SHCBP1: variants seen among roughly 807,000 people sequenced by gnomAD.
The protein encoded by SHCBP1 is SHC binding and spindle associated 1, also known as SHC SH2 domain-binding protein 1.
A neutral mutation model predicts 75.1 loss-of-function variants in SHCBP1; 60 were observed. That is an observed-to-expected ratio of 0.80 (90% CI 0.65 to 0.99). SHCBP1 has a LOEUF of 0.99. SHCBP1 is among the 50% of genes least tolerant of loss of function. SHCBP1 has a pLI of 0.00. For synonymous variants in SHCBP1, 290 were observed against 293.2 expected, an observed-to-expected ratio of 0.99 and a Z score of 0.11; for missense variants, 709 against 809.4, an observed-to-expected ratio of 0.88 and a Z score of 1.50.
intron 5 of SHCBP1, among the ~76,000 whole-genome samples, chr16:46,604,930 A>T (rs534019152): frequency 0.039 from 5,998 of 152,298 alleles, 175 homozygotes; most frequent in Non-Finnish European, 0.056. Context: ...GACTTTAAAA[A>T]TTTTTTTAAG....
intron 4 of SHCBP1, among the ~76,000 whole-genome samples, chr16:46,614,155 T>C (rs1965460321): frequency 6.6e-6 from 1 of 152,184 alleles, no homozygotes; most frequent in Non-Finnish European, 1.5e-5. Flanking sequence ...TTCATTCTGC[T>C]TGGCCCAATA....
chr16:46,612,680 G>A (rs577634819), intron 4 of SHCBP1, among the ~76,000 whole-genome samples: 10 of 152,244 alleles, frequency 6.6e-5, no homozygotes, highest in Admixed American at 4.6e-4. Context: ...CATGTAACTT[G>A]TTAGTCAAGC....
chr16:46,598,386 T>A (rs545481622), intron 9 of SHCBP1, among the ~76,000 whole-genome samples: 1 of 152,322 alleles, frequency 6.6e-6, no homozygotes, highest in East Asian at 1.9e-4. Context: ...GAAAACAACA[T>A]TAATCTCCCA....
Position 46,618,251 on chromosome 16 carries a change from T to C in SHCBP1, c.225A>G (p.Gln75=). ...TFFPEIFQTN[Q]LLFYERFRAY... is the part of the protein sequence containing the mutation. ...CTCTGAATCGCTCATAGAACAAAAG[T>C]TGATTTGTTTGGAAAATTTCTGGGA... Residue 75 remains glutamine (Q), a synonymous_variant, in exon 2 of 13, where the codon CAA becomes CAG. Coordinates refer to ENST00000303383, the MANE Select transcript of SHCBP1 (RefSeq NM_024745.5). The C allele has an allele frequency of 6.2e-7, 1 of 1,612,992 alleles. No individual in the cohort carries two copies. The highest frequency in any genetic ancestry group is 8.5e-7 in the Non-Finnish European group (1 of 1,179,728).
chr16:46,593,964 T>C (rs1028289903), intron 10 of SHCBP1, among the ~76,000 whole-genome samples: 1 of 151,544 alleles, frequency 6.6e-6, no homozygotes, highest in Non-Finnish European at 1.5e-5. Flanking sequence ...AAAAACAAAG[T>C]AGGAGAAATC....
At chr16:46,613,239 T>G (rs1965446766) in intron 4 of SHCBP1, among the ~76,000 whole-genome samples, 1 of 152,294 alleles carries the variant, frequency 6.6e-6, no homozygotes, top group South Asian at 2.1e-4. Flanking sequence ...GGCAAGAGGA[T>G]GCCTTGAGCC....
intron 10 of SHCBP1, among the ~76,000 whole-genome samples, chr16:46,595,251 G>A (rs902939950): frequency 6.6e-6 from 1 of 152,024 alleles, no homozygotes; most frequent in Non-Finnish European, 1.5e-5. Context: ...CTGGTGAAGG[G>A]CATAATGCAG....
intron 5 of SHCBP1, among the ~76,000 whole-genome samples, chr16:46,606,742 A>G (rs1206439188): frequency 6.6e-6 from 1 of 152,220 alleles, no homozygotes; most frequent in Non-Finnish European, 1.5e-5. Flanking sequence ...GCCTAAATAG[A>G]AATCATAGCC....
rs142653730 is a variant in SHCBP1, at chr16:46,595,910, T to C, written c.1346-240A>G. 8.6e-4 allele frequency among the ~76,000 whole-genome samples: 131 copies of C among 152,168 alleles called. No homozygotes were observed. In the East Asian group the frequency reaches 0.022, roughly 26 times the overall value. On this transcript the variant is annotated intron_variant, in intron 9 of 12. Transcript: ENST00000303383. The stretch of plus-strand genomic sequence containing the variant: ...CTTGACCTCAGATACAAAAGCACTT[T>C]CCATTACCAGAAAAAAAAAGCATCA...
intron 10 of SHCBP1, among the ~76,000 whole-genome samples, chr16:46,595,138 G>C (rs1435711942): frequency 6.6e-6 from 1 of 152,206 alleles, no homozygotes; most frequent in Non-Finnish European, 1.5e-5. Flanking sequence ...AGCATGAGGG[G>C]TCCCTGTGGT....
chr16:46,585,742 C>G (rs927771905), intron 10 of SHCBP1, among the ~76,000 whole-genome samples: 1 of 152,212 alleles, frequency 6.6e-6, no homozygotes, highest in African/African-American at 2.4e-5. Flanking sequence ...TCCCTCCCTA[C>G]TGGGGCAGTG....
chr16:46,598,657 A>T (rs1386754802), intron 9 of SHCBP1, among the ~76,000 whole-genome samples: 2 of 152,234 alleles, frequency 1.3e-5, no homozygotes, highest in Non-Finnish European at 2.9e-5. Flanking sequence ...TAAAGTCACC[A>T]GTTACATTCA....
intron 8 of SHCBP1, 69 bp from the exon 9 acceptor site, chr16:46,600,031 C>A: frequency 3.2e-6 from 5 of 1,557,974 alleles, no homozygotes; most frequent in Non-Finnish European, 4.3e-6. Flanking sequence ...CACTGTAGAA[C>A]AAGTTTCTCT....
chr16:46,618,414 T>C lies in SHCBP1; in HGVS notation c.104-42A>G, dbSNP rs369264627. On this transcript the variant is annotated intron_variant, in intron 1 of 12. Transcript: ENST00000303383. ...AAAATAAGCAAGCTCCAGTGCCTTA[T>C]TTGAATGCTTCTATTTTCATATCCT... is the stretch of plus-strand genomic sequence containing the variant. 51 of 1,522,870 alleles carry C rather than the reference T, an allele frequency of 3.3e-5. No homozygotes were observed. The African/African-American group carries it at 6.8e-4, about 20-fold the overall frequency. The allele number at this position is 1,522,870 out of a possible 1,614,324, so 94.3% of individuals were successfully genotyped here. A position where few individuals can be genotyped will look rare whatever the true frequency, so the allele number is the denominator to read the frequency against.
intron 10 of SHCBP1, among the ~76,000 whole-genome samples, chr16:46,595,348 A>C (rs1379972589): frequency 6.6e-6 from 1 of 152,210 alleles, no homozygotes; most frequent in Non-Finnish European, 1.5e-5. Flanking sequence ...AGCTACATAA[A>C]GTCATTGTGA....
chr16:46,621,336 G>T lies in SHCBP1; in HGVS notation c.24C>A (p.Gly8=), dbSNP rs1202352588. The change falls in exon 1 of 13, where the codon GGC becomes GGA. Residue 8 remains glycine (G), a synonymous_variant. Transcript: ENST00000303383. MADGSLT[G]GGLEAAAMAP... ...CCATGGCCGCTGCCTCCAGACCGCC[G>T]CCCGTCAGCGACCCGTCAGCCATTT... 5 of 1,611,254 alleles carry T rather than the reference G, an allele frequency of 3.1e-6. No individual in the cohort carries two copies. Among genetic ancestry groups the T allele is most frequent in the Non-Finnish European group, 4.2e-6 (5 of 1,179,130 alleles).
intron 9 of SHCBP1, among the ~76,000 whole-genome samples, chr16:46,597,462 G>A (rs1037954642): frequency 6.6e-6 from 1 of 152,154 alleles, no homozygotes; most frequent in Non-Finnish European, 1.5e-5. Context: ...TTATACTAAT[G>A]AGTACTATGT....
intron 4 of SHCBP1, among the ~76,000 whole-genome samples, chr16:46,610,852 A>C (rs896234487): frequency 1.3e-5 from 2 of 152,054 alleles, no homozygotes; most frequent in Admixed American, 1.3e-4. Context: ...CCCAGTCCCC[A>C]TGGGTCATTT....
rs754663698 is a variant in SHCBP1 at position 46,603,584 on chromosome 16, C to T, written c.1168G>A (p.Val390Met). The T allele has an allele frequency of 6.2e-7, 1 of 1,614,166 alleles. No homozygotes were observed. Among genetic ancestry groups the T allele is most frequent in the Non-Finnish European group, 8.5e-7 (1 of 1,180,032 alleles). Residue 390 changes from valine (V) to methionine (M), a missense_variant, in exon 8 of 13, where the codon GTG becomes ATG. Transcript: ENST00000303383. ...GCAATGGAGAAAGTGCCATGTACCACATAATGGCCAGGACAAACAATAACA... is the reference window on the plus strand; with the variant it reads ...GCAATGGAGAAAGTGCCATGTACCATATAATGGCCAGGACAAACAATAACA... ...DTVIVCPGHY[V>M]VHGTFSIADS...
Sources: allele counts gnomAD v4.1 joint callset (sites outside exome capture counted in the v4.1 genomes callset), GRCh38; gene constraint gnomAD v4.1.1; transcripts MANE v1.5; gene names NCBI Gene and HGNC (gene_info 2026-07-23, HGNC 2026-07-21).